The following ASB3 variants were observed in gnomAD, a reference collection of about 807,000 sequenced individuals.
ASB3 encodes ankyrin repeat and SOCS box containing 3, also known as ankyrin repeat and SOCS box protein 3.
A neutral mutation model predicts 54.5 loss-of-function variants in ASB3; 41 were observed. The ratio of observed to expected loss-of-function variants is 0.75; its 90% CI spans 0.59 to 0.98. The LOEUF is 0.98. Among genes scored for constraint, ASB3 ranks in the 50% least tolerant of loss-of-function variants. ASB3 has a pLI of 0.00. For missense variants in ASB3, 733 were observed against 620.0 expected (o/e 1.18, Z -1.94); for synonymous variants, 266 against 221.2 (o/e 1.20, Z -1.80).
intron 5 of ASB3, among the ~76,000 whole-genome samples, chr2:53,722,993 T>G (rs371728836): frequency 3.9e-5 from 6 of 151,950 alleles, no homozygotes; most frequent in East Asian, 3.9e-4. Flanking sequence ...TCAGTAAAAT[T>G]TCAGGTTACA....
chr2:53,776,134 A>C (rs991577954), intron 1 of ASB3, among the ~76,000 whole-genome samples: 1 of 152,238 alleles, frequency 6.6e-6, no homozygotes, highest in African/African-American at 2.4e-5. Context: ...ACTAATAATT[A>C]GTACAGAAGT....
chr2:53,786,949 G>T lies in ASB3; in HGVS notation c.-142C>A. On this transcript the variant is annotated 5_prime_UTR_variant, in exon 1 of 10. Transcript: ENST00000263634. ...CCGTCCGAAAACGAGAGACGCGCAG[G>T]CGACGTCCCGGCCCCCGTAGGCGGA... 2 of 441,034 alleles carry T rather than the reference G, an allele frequency of 4.5e-6. No individual in the cohort carries two copies. The highest frequency in any genetic ancestry group is 4.0e-6 in the Non-Finnish European group (1 of 249,480). 27.3% of individuals were successfully genotyped at this position (441,034 alleles called of 1,614,324 possible). A position where few individuals can be genotyped will look rare whatever the true frequency, so the allele number is the denominator to read the frequency against.
intron 3 of ASB3, among the ~76,000 whole-genome samples, chr2:53,746,485 C>CA (rs570185413): frequency 7.2e-6 from 1 of 139,070 alleles, no homozygotes; most frequent in African/African-American, 2.7e-5. Context: ...GGGGTTTTTT[C>CA]TTTTTTTTTT....
At chr2:53,757,486 C>T (rs767766694) in intron 2 of ASB3, among the ~76,000 whole-genome samples, 2 of 152,236 alleles carry the variant, frequency 1.3e-5, no homozygotes, top group African/African-American at 2.4e-5. Flanking sequence ...TTCCTTCTGA[C>T]CCATACCTCC....
intron 9 of ASB3, among the ~76,000 whole-genome samples, chr2:53,685,304 A>G (rs961903238): frequency 1.4e-4 from 22 of 152,200 alleles, no homozygotes; most frequent in Admixed American, 2.6e-4. Flanking sequence ...AATAAGAAGA[A>G]TGGATTTGGA....
intron 3 of ASB3, among the ~76,000 whole-genome samples, chr2:53,741,699 A>G (rs1249685342): frequency 1.3e-5 from 2 of 152,228 alleles, no homozygotes; most frequent in Non-Finnish European, 2.9e-5. Flanking sequence ...TTTCTGTTTT[A>G]CTTTAAAAAT....
At chr2:53,736,932 C>A (rs1388515358) in intron 3 of ASB3, among the ~76,000 whole-genome samples, 1 of 151,904 alleles carries the variant, frequency 6.6e-6, no homozygotes, top group Non-Finnish European at 1.5e-5. Flanking sequence ...TGCAGTGAGC[C>A]GAGATCATGC....
intron 7 of ASB3, among the ~76,000 whole-genome samples, chr2:53,713,074 C>G (rs572363025): frequency 6.6e-6 from 1 of 152,286 alleles, no homozygotes; most frequent in South Asian, 2.1e-4. Context: ...TGGGGTGGCT[C>G]ACACCTATAA....
In ASB3 at chr2:53,716,725, T is replaced by C. The variant is rs376556448; in HGVS notation, c.623A>G (p.Gln208Arg). Residue 208 changes from glutamine (Q) to arginine (R), a missense_variant, in exon 6 of 10, where the codon CAA becomes CGA. Physicochemically the swap from Gln to Arg is conservative, Grantham distance 43 (BLOSUM62 1). Transcript: ENST00000263634. ...LISSGANVNC[Q>R]ALDKATPLFI... ...CAAGGGTGTAGCTTTGTCCAAGGCT[T>C]GACAATTGACATTTGCACCTAAGGG... is the stretch of plus-strand genomic sequence containing the variant. 1 of 1,612,858 alleles carries C rather than the reference T, an allele frequency of 6.2e-7. No individual in the cohort carries two copies. Among genetic ancestry groups the C allele is most frequent in the African/African-American group, 1.3e-5 (1 of 74,880 alleles).
At chr2:53,732,633 G>C (rs1671384072) in intron 3 of ASB3, among the ~76,000 whole-genome samples, 1 of 152,162 alleles carries the variant, frequency 6.6e-6, no homozygotes, top group African/African-American at 2.4e-5. Context: ...ACCTTATGAT[G>C]CAAGTTATGT....
At chr2:53,673,652 T>C (rs1245780128) in intron 9 of ASB3, among the ~76,000 whole-genome samples, 2 of 152,174 alleles carry the variant, frequency 1.3e-5, no homozygotes, top group Non-Finnish European at 2.9e-5. Context: ...GTTAACTAGA[T>C]CTCAATGATT....
At chr2:53,786,156 T>C (rs1033722967) in intron 1 of ASB3, 8 of 152,110 alleles carry the variant, frequency 5.3e-5, no homozygotes, top group African/African-American at 1.9e-4. Flanking sequence ...AAACAGACAA[T>C]GGCATTTTTT....
intron 9 of ASB3, among the ~76,000 whole-genome samples, chr2:53,681,293 A>G (rs1038886085): frequency 6.6e-6 from 1 of 152,226 alleles, no homozygotes; most frequent in Admixed American, 6.5e-5. Context: ...AGGAAACTCC[A>G]AATACTTTCT....
chr2:53,743,216 G>T (rs1672033106), intron 3 of ASB3, among the ~76,000 whole-genome samples: 1 of 147,842 alleles, frequency 6.8e-6, no homozygotes, highest in South Asian at 2.1e-4. Flanking sequence ...TGTTGCCCAG[G>T]CTGGTCTCGA....
chr2:53,682,775 C>G (rs982427738), intron 9 of ASB3, among the ~76,000 whole-genome samples: 8 of 152,160 alleles, frequency 5.3e-5, no homozygotes, highest in African/African-American at 1.4e-4. Context: ...CTGCGCCCAG[C>G]CTGTTCACTG....
intron 9 of ASB3, among the ~76,000 whole-genome samples, chr2:53,685,724 A>G (rs1558515652): frequency 6.6e-6 from 1 of 152,218 alleles, no homozygotes; most frequent in Non-Finnish European, 1.5e-5. Context: ...TTCTGCACCA[A>G]CTATGAATCT....
At chr2:53,767,012 G>A (rs1415073682) in intron 1 of ASB3, among the ~76,000 whole-genome samples, 4 of 152,140 alleles carry the variant, frequency 2.6e-5, no homozygotes, top group Non-Finnish European at 5.9e-5. Context: ...GAGCTCTAAT[G>A]AGCAGATCTT....
Position 53,714,384 on chromosome 2 carries a change from TC to T in ASB3, c.979del (p.Asp327ThrfsTer8). 6.2e-7 allele frequency: 1 copy of T among 1,614,006 alleles called. No homozygotes were observed. The highest frequency in any genetic ancestry group is 8.5e-7 in the Non-Finnish European group (1 of 1,179,974). ...ATAAAAACATAGCAAATATACATAC[TC>T]CTTTTGGAAAGCCATGCACACAGGA... ...SSPVCMAFQK[D>X]CEFFGIVNIL... On this transcript the variant is annotated frameshift_variant and splice_region_variant, in exon 7 of 10. Transcript: ENST00000263634. LOFTEE classifies it high-confidence loss of function.
chr2:53,677,992 T>G (rs1668170254), intron 9 of ASB3, among the ~76,000 whole-genome samples: 1 of 152,204 alleles, frequency 6.6e-6, no homozygotes, highest in African/African-American at 2.4e-5. Context: ...CTTTTTAGCT[T>G]TTTAAAATTT....
Sources: gnomAD v4.1 joint callset for allele counts (sites outside exome capture counted in the v4.1 genomes callset) on GRCh38, gnomAD v4.1.1 for gene constraint, MANE v1.5 for transcripts, NCBI Gene and HGNC (gene_info 2026-07-23, HGNC 2026-07-21) for gene names.